The following LEKR1 variants were observed in gnomAD, a reference collection of about 807,000 sequenced individuals.
LEKR1 encodes the protein leucine, glutamate and lysine rich 1.
Under a neutral mutation model 72.4 loss-of-function variants are expected in LEKR1, and 59 were observed. The observed-to-expected ratio is 0.82, with a 90% CI of 0.66 to 1.01. LEKR1 has a LOEUF of 1.01. Among genes scored for constraint, LEKR1 ranks in the 50% least tolerant of loss-of-function variants. The pLI is 0.00. For missense variants in LEKR1, 728 were observed against 759.2 expected, an observed-to-expected ratio of 0.96 and a Z score of 0.48; for synonymous variants, 257 against 263.2, an observed-to-expected ratio of 0.98 and a Z score of 0.23.
intron 9 of LEKR1, among the ~76,000 whole-genome samples, chr3:157,010,812 G>T (rs1367817913): frequency 1.3e-5 from 2 of 152,008 alleles, no homozygotes; most frequent in East Asian, 3.8e-4. Context: ...TGCTTATGTG[G>T]ATTAAGATGA....
chr3:156,845,766 C>A (rs546819652), intron 2 of LEKR1, among the ~76,000 whole-genome samples: 1 of 152,138 alleles, frequency 6.6e-6, no homozygotes, highest in African/African-American at 2.4e-5. Flanking sequence ...TAGTGATTCC[C>A]CCCACTTTAT....
chr3:156,972,493 TA>T (rs975586345), intron 6 of LEKR1, among the ~76,000 whole-genome samples: 1 of 151,956 alleles, frequency 6.6e-6, no homozygotes, highest in African/African-American at 2.4e-5. Flanking sequence ...TAAAGTATAA[TA>T]AAAATAAATA....
At chr3:156,874,527 A>T (rs1011608618) in intron 3 of LEKR1, among the ~76,000 whole-genome samples, 13 of 122,892 alleles carry the variant, frequency 1.1e-4, no homozygotes, top group African/African-American at 3.4e-4. Context: ...GTTATATGTG[A>T]TTTTTTTAAA....
intron 6 of LEKR1, among the ~76,000 whole-genome samples, chr3:156,948,929 T>C (rs993127321): frequency 1.3e-5 from 2 of 151,598 alleles, no homozygotes; most frequent in Non-Finnish European, 3.0e-5. Flanking sequence ...ATAGTGAACT[T>C]TTTTTTCCTA....
intron 3 of LEKR1, among the ~76,000 whole-genome samples, chr3:156,859,887 C>G (rs1360007017): frequency 6.6e-6 from 1 of 152,154 alleles, no homozygotes; most frequent in Non-Finnish European, 1.5e-5. Context: ...GTCACCCTTC[C>G]CCTACTCAGC....
intron 3 of LEKR1, among the ~76,000 whole-genome samples, chr3:156,911,948 C>A (rs1723151649): frequency 6.6e-6 from 1 of 151,924 alleles, no homozygotes. Context: ...ATGCCTTTGG[C>A]TTTGTTCTTT....
At chr3:157,036,610 A>C (rs948079557) in intron 12 of LEKR1, among the ~76,000 whole-genome samples, 5 of 152,190 alleles carry the variant, frequency 3.3e-5, no homozygotes, top group Non-Finnish European at 7.4e-5. Flanking sequence ...ATAAGTAATA[A>C]AGGAGAAAAT....
intron 3 of LEKR1, among the ~76,000 whole-genome samples, chr3:156,898,751 A>C (rs1721464929): frequency 6.6e-6 from 1 of 152,196 alleles, no homozygotes; most frequent in South Asian, 2.1e-4. Flanking sequence ...TGTAGAACAC[A>C]CTTTGACCAC....
chr3:156,902,615 C>T (rs556617873), intron 3 of LEKR1, among the ~76,000 whole-genome samples: 2 of 152,178 alleles, frequency 1.3e-5, no homozygotes, highest in South Asian at 2.1e-4. Context: ...TTCATAACCA[C>T]CAACAGTAAA....
At chr3:157,011,606 A>G in intron 10 of LEKR1, 100 bp downstream of exon 10, 1 of 796,754 alleles carries the variant, frequency 1.3e-6, no homozygotes, top group Non-Finnish European at 2.1e-6. Context: ...ATTTGCTTCT[A>G]TGCACACTTT....
intron 5 of LEKR1, among the ~76,000 whole-genome samples, chr3:156,928,858 A>G (rs1724961326): frequency 6.6e-6 from 1 of 152,080 alleles, no homozygotes; most frequent in Non-Finnish European, 1.5e-5. Flanking sequence ...TTAAAATAAT[A>G]CAAGAAAAAA....
chr3:156,890,022 A>T (rs1425486828), intron 3 of LEKR1, among the ~76,000 whole-genome samples: 2 of 152,106 alleles, frequency 1.3e-5, no homozygotes, highest in African/African-American at 4.8e-5. Context: ...CCATTTCCTC[A>T]TCTGTCAAAT....
At chr3:156,892,371 C>T (rs541452745) in intron 3 of LEKR1, among the ~76,000 whole-genome samples, 9 of 152,092 alleles carry the variant, frequency 5.9e-5, no homozygotes, top group African/African-American at 7.2e-5. Flanking sequence ...TATTCCTGGA[C>T]GAAATTCTCG....
Position 156,920,699 on chromosome 3 carries a change from G to A in LEKR1, c.383+5G>A, listed in dbSNP as rs1038894415. 3 of 1,340,434 alleles carry A rather than the reference G, an allele frequency of 2.2e-6. No homozygotes were observed. Among genetic ancestry groups the A allele is most frequent in the Admixed American group, 2.7e-5 (1 of 37,612 alleles). The allele number at this position is 1,340,434 out of a possible 1,614,324, so 83.0% of individuals were successfully genotyped here. A position where few individuals can be genotyped will look rare whatever the true frequency, so the allele number is the denominator to read the frequency against. ...TAGACAATCATACATCTTCAGGTAA[G>A]ATTAAAGAACTGAAAATTATAAAGA... On this transcript the variant is annotated splice_donor_5th_base_variant and intron_variant, in intron 4 of 12. Transcript: ENST00000356539.
chr3:156,979,335 C>A lies in LEKR1; in HGVS notation c.827+60C>A, dbSNP rs149612007. 1.9e-4 allele frequency: 142 copies of A among 764,956 alleles called. No homozygotes were observed. In the East Asian group the frequency reaches 7.0e-3, roughly 38 times the overall value. 47.4% of individuals were successfully genotyped at this position (764,956 alleles called of 1,614,324 possible). A position where few individuals can be genotyped will look rare whatever the true frequency, so the allele number is the denominator to read the frequency against. ...GCTCTGTAGATGTGTTACAAAATGG[C>A]AAGAATTAGGAAGAAATGACAAGAA... is the stretch of plus-strand genomic sequence containing the variant. On this transcript the variant is annotated intron_variant, in intron 7 of 12. Coordinates refer to ENST00000356539, the MANE Select transcript of LEKR1 (RefSeq NM_001004316.3).
chr3:157,028,041 T>G (rs1734332327), intron 11 of LEKR1, 62 bp from the exon 12 acceptor site: 1 of 1,142,016 alleles, frequency 8.8e-7, no homozygotes, highest in African/African-American at 1.6e-5. Flanking sequence ...TTAAAAACCA[T>G]AAGAATTCTG....
intron 3 of LEKR1, among the ~76,000 whole-genome samples, chr3:156,892,637 C>T (rs1720777977): frequency 6.6e-6 from 1 of 152,156 alleles, no homozygotes; most frequent in African/African-American, 2.4e-5. Flanking sequence ...GCTCATTATA[C>T]CCTCCTCTGC....
chr3:157,002,500 G>A (rs1410079539), intron 9 of LEKR1, among the ~76,000 whole-genome samples: 5 of 151,934 alleles, frequency 3.3e-5, no homozygotes, highest in Admixed American at 1.3e-4. Context: ...TCCTGTATAC[G>A]TTACTCACTG....
At chr3:156,841,473 G>A (rs1367540627) in intron 2 of LEKR1, among the ~76,000 whole-genome samples, 1 of 152,174 alleles carries the variant, frequency 6.6e-6, no homozygotes, top group African/African-American at 2.4e-5. Flanking sequence ...ATGGCAGGCA[G>A]CCATCCAGGC....
Sources: gnomAD v4.1 joint callset for allele counts (sites outside exome capture counted in the v4.1 genomes callset) on GRCh38, gnomAD v4.1.1 for gene constraint, MANE v1.5 for transcripts, NCBI Gene and HGNC (gene_info 2026-07-23, HGNC 2026-07-21) for gene names.